The following RNF212B variants were observed in gnomAD, a reference collection of about 807,000 sequenced individuals.
RNF212B encodes the protein E3 ubiquitin-protein ligase RNF212B.
A neutral mutation model predicts 55.5 loss-of-function variants in RNF212B; 52 were observed. The ratio of observed to expected loss-of-function variants is 0.94; its 90% CI spans 0.75 to 1.18. RNF212B has a LOEUF of 1.18. RNF212B is among the 50% of genes most tolerant of loss of function. RNF212B has a pLI of 0.00. For synonymous variants in RNF212B, 99 were observed against 121.4 expected (o/e 0.82, Z 1.21); for missense variants, 289 against 350.4 (o/e 0.82, Z 1.40).
chr14:23,225,423 T>C (rs910289126), intron 2 of RNF212B, among the ~76,000 whole-genome samples: 7 of 152,180 alleles, frequency 4.6e-5, no homozygotes, highest in East Asian at 1.9e-4. Flanking sequence ...CATCAACAGA[T>C]GAATGGATAA....
At chr14:23,201,852 G>A (rs1879319259) in intron 2 of RNF212B, among the ~76,000 whole-genome samples, 3 of 152,128 alleles carry the variant, frequency 2.0e-5, no homozygotes, top group Admixed American at 2.0e-4. Context: ...ACAGCATGGA[G>A]CCAATTCCAC....
In RNF212B at chr14:23,240,343, A is replaced by G. The variant is rs750267125; in HGVS notation, c.-1-2A>G. The G allele has an allele frequency of 6.5e-7, 1 of 1,541,202 alleles. No individual in the cohort carries two copies. Among genetic ancestry groups the G allele is most frequent in the Non-Finnish European group, 8.8e-7 (1 of 1,138,600 alleles). The stretch of plus-strand genomic sequence containing the variant: ...CTTACTCTTTCTCTTTATCTGCTCC[A>G]GAATGGATTGGTTTCATTGCAACCA... On this transcript the variant is annotated splice_acceptor_variant, in intron 1 of 14. Transcript: ENST00000430154. LOFTEE classifies it low-confidence loss of function (5UTR_SPLICE).
intron 4 of RNF212B, among the ~76,000 whole-genome samples, chr14:23,253,307 A>G (rs1884553227): frequency 6.6e-6 from 1 of 152,142 alleles, no homozygotes; most frequent in Non-Finnish European, 1.5e-5. Flanking sequence ...AAAGGTATAT[A>G]TTTCAGTTGG....
intron 2 of RNF212B, among the ~76,000 whole-genome samples, chr14:23,214,897 C>T (rs553746682): frequency 7.5e-4 from 114 of 152,218 alleles, no homozygotes; most frequent in Non-Finnish European, 1.4e-3. Flanking sequence ...GAAGAATAAA[C>T]CCAAATAAAT....
chr14:23,208,825 C>G (rs1182489149), intron 2 of RNF212B, among the ~76,000 whole-genome samples: 2 of 138,396 alleles, frequency 1.4e-5, no homozygotes, highest in Non-Finnish European at 3.0e-5. Flanking sequence ...ATGGCGCGAT[C>G]TCAGGTCACT....
chr14:23,253,730 C>A lies in RNF212B; in HGVS notation c.229-4819C>A, dbSNP rs1884584261. ...TTGGAGTACTTCTAAAGAGAAATGT[C>A]CTTTTATCAAGCAAATGATTATCCA... is the stretch of plus-strand genomic sequence containing the variant. On this transcript the variant is annotated intron_variant, in intron 4 of 14. Transcript: ENST00000430154. Among the ~76,000 whole-genome samples the A allele has an allele frequency of 2.0e-5, 3 of 152,142 alleles. No homozygotes were observed. In the South Asian group the frequency reaches 6.2e-4, roughly 32 times the overall value.
intron 2 of RNF212B, among the ~76,000 whole-genome samples, chr14:23,215,954 T>C (rs1881022425): frequency 6.6e-6 from 1 of 152,178 alleles, no homozygotes; most frequent in Admixed American, 6.5e-5. Flanking sequence ...AGAGCAACCA[T>C]TAAAACATTT....
At chr14:23,246,860 G>A (rs938501373) in intron 4 of RNF212B, among the ~76,000 whole-genome samples, 1 of 152,180 alleles carries the variant, frequency 6.6e-6, no homozygotes, top group Admixed American at 6.5e-5. Flanking sequence ...AAAATTGTTG[G>A]CCGGGTGTGG....
At chr14:23,233,661 G>A (rs981535860), upstream of RNF212B, among the ~76,000 whole-genome samples, 24 of 150,152 alleles carry the variant, frequency 1.6e-4, no homozygotes, top group African/African-American at 5.6e-4. Context: ...GGAATCATTC[G>A]GGCCTGGGAG....
intron 2 of RNF212B, among the ~76,000 whole-genome samples, chr14:23,227,119 A>T (rs986599595): frequency 2.0e-5 from 3 of 152,126 alleles, no homozygotes; most frequent in African/African-American, 7.2e-5. Context: ...TTTATATAAG[A>T]AGTTATCGTT....
intron 4 of RNF212B, among the ~76,000 whole-genome samples, chr14:23,258,211 G>T (rs759958431): frequency 1.3e-5 from 2 of 152,010 alleles, no homozygotes; most frequent in African/African-American, 4.8e-5. Context: ...GGTAGCACAT[G>T]CCTGTAAACC....
At chr14:23,248,889 A>G (rs1884202876) in intron 4 of RNF212B, among the ~76,000 whole-genome samples, 1 of 152,220 alleles carries the variant, frequency 6.6e-6, no homozygotes, top group South Asian at 2.1e-4. Flanking sequence ...AAATATTCAG[A>G]CCACAGCAGG....
At chr14:23,200,953 G>A (rs763332609) in intron 2 of RNF212B, among the ~76,000 whole-genome samples, 1 of 152,172 alleles carries the variant, frequency 6.6e-6, no homozygotes, top group Non-Finnish European at 1.5e-5. Context: ...TTCAAATTCT[G>A]GAGAAAATCA....
intron 2 of RNF212B, among the ~76,000 whole-genome samples, chr14:23,200,015 A>AT (rs1375892702): frequency 6.6e-6 from 1 of 151,114 alleles, no homozygotes; most frequent in Non-Finnish European, 1.5e-5. Context: ...ATAATAAAAA[A>AT]TTAAAAAAAA....
At chr14:23,199,819 T>G (rs1879107622) in intron 2 of RNF212B, among the ~76,000 whole-genome samples, 1 of 152,222 alleles carries the variant, frequency 6.6e-6, no homozygotes, top group Admixed American at 6.5e-5. Flanking sequence ...TTGCTGTTAT[T>G]TTCTTCTGAA....
intron 2 of RNF212B, among the ~76,000 whole-genome samples, chr14:23,208,779 G>C (rs1168021232): frequency 2.1e-4 from 1 of 4,732 alleles, no homozygotes; most frequent in Non-Finnish European, 6.1e-4. Flanking sequence ...TTTTTTTTGA[G>C]ACGGAGTCTC....
chr14:23,224,785 G>A (rs75248021), intron 2 of RNF212B, among the ~76,000 whole-genome samples: 1 of 152,120 alleles, frequency 6.6e-6, no homozygotes, highest in Non-Finnish European at 1.5e-5. Context: ...CTTCTGCACA[G>A]CAAAGGAAAC....
At chr14:23,259,863 T>G in intron 5 of RNF212B, 21 bp from the exon 6 acceptor site, 3 of 1,444,738 alleles carry the variant, frequency 2.1e-6, no homozygotes, top group Non-Finnish European at 2.8e-6. Context: ...CTGGAGCTGA[T>G]TGTTTCCATC....
chr14:23,224,082 G>A (rs1881799782), intron 2 of RNF212B, among the ~76,000 whole-genome samples: 1 of 152,058 alleles, frequency 6.6e-6, no homozygotes, highest in Non-Finnish European at 1.5e-5. Flanking sequence ...AAGAAATTGA[G>A]GAGAACACAC....
Sources: gnomAD v4.1 joint callset for allele counts (sites outside exome capture counted in the v4.1 genomes callset) on GRCh38, gnomAD v4.1.1 for gene constraint, MANE v1.5 for transcripts, NCBI Gene and HGNC (gene_info 2026-07-23, HGNC 2026-07-21) for gene names.